The following FLNB variants were observed in gnomAD, a reference collection of about 807,000 sequenced individuals.
FLNB encodes the protein filamin B, also known as filamin-B.
A neutral mutation model predicts 250.6 loss-of-function variants in FLNB; 111 were observed. That is an observed-to-expected ratio of 0.44 (90% CI 0.38 to 0.52). The LOEUF is 0.52. FLNB is among the 20% of genes least tolerant of loss of function. The pLI is 0.00. For missense variants in FLNB, 2,869 were observed against 3,447.8 expected, an observed-to-expected ratio of 0.83 and a Z score of 4.20; for synonymous variants, 1,302 against 1,372.1, an observed-to-expected ratio of 0.95 and a Z score of 1.13.
intron 25 of FLNB, chr3:58,131,844 G>A: frequency 1.1e-6 from 1 of 934,788 alleles, no homozygotes; most frequent in East Asian, 2.6e-5. Context: ...AATGAGAGAG[G>A]GAGAAAAAGA....
chr3:58,124,473 C>A lies in FLNB; in HGVS notation c.3866C>A (p.Thr1289Asn), dbSNP rs768285627. ...ECFVTDNADGTYQVEYTPFEK... is the reference protein window; with the variant it reads ...ECFVTDNADGNYQVEYTPFEK... ...TTTGTCACAGACAATGCGGATGGGA[C>A]CTACCAGGTGGAATACACACCCTTT... Residue 1289 changes from threonine to asparagine, a missense_variant, in exon 22 of 46, where the codon ACC becomes AAC. This residue lies in a region of FLNB where 1,348 missense variants were observed against 1,466.7 expected (regional missense o/e 0.92). Coordinates refer to ENST00000295956, the MANE Select transcript of FLNB (RefSeq NM_001457.4). The A allele has an allele frequency of 1.2e-6, 2 of 1,614,090 alleles. No homozygotes were observed. The highest frequency in any genetic ancestry group is 4.5e-5 in the East Asian group (2 of 44,898).
chr3:58,040,608 C>A (rs1187419083), intron 1 of FLNB, among the ~76,000 whole-genome samples: 2 of 152,238 alleles, frequency 1.3e-5, no homozygotes, highest in Non-Finnish European at 2.9e-5. Flanking sequence ...GATTCTCCTG[C>A]CTAAGCCTCC....
chr3:58,044,734 G>A (rs1395831464), intron 1 of FLNB, among the ~76,000 whole-genome samples: 1 of 152,188 alleles, frequency 6.6e-6, no homozygotes, highest in Non-Finnish European at 1.5e-5. Flanking sequence ...GCTGCTTCCT[G>A]CCTGGAAGCG....
In FLNB at chr3:58,169,807, C is replaced by T. The variant is rs756868384; in HGVS notation, c.7621+14C>T. On this transcript the variant is annotated intron_variant, in intron 45 of 45. Coordinates refer to ENST00000295956, the MANE Select transcript of FLNB (RefSeq NM_001457.4). The surrounding 1 kb of genome is among the most constrained non-coding windows in gnomAD (Gnocchi z 4.8). ...GCAGCAAAGCTGGTAGGTGTCTGGG[C>T]CTTTTCAAGGGTGGGGTGGGGCAGG... 3 of 1,582,234 alleles carry T rather than the reference C, an allele frequency of 1.9e-6. No homozygotes were observed. In the South Asian group the frequency reaches 3.3e-5, roughly 17 times the overall value.
intron 4 of FLNB, among the ~76,000 whole-genome samples, chr3:58,091,677 T>A (rs1406842406): frequency 6.6e-6 from 1 of 152,110 alleles, no homozygotes; most frequent in Non-Finnish European, 1.5e-5. Context: ...TTTTTAATGT[T>A]TTAAGAAGGA....
intron 1 of FLNB, among the ~76,000 whole-genome samples, chr3:58,067,445 C>A (rs2686641): frequency 2.6e-5 from 4 of 151,906 alleles, no homozygotes; most frequent in African/African-American, 9.7e-5. Flanking sequence ...AACTTCGGCC[C>A]CCTTGTCTAC....
At chr3:58,020,389 G>A (rs139968196) in intron 1 of FLNB, among the ~76,000 whole-genome samples, 2 of 152,292 alleles carry the variant, frequency 1.3e-5, no homozygotes, top group Non-Finnish European at 2.9e-5. Context: ...GCCTCGTGCT[G>A]TGGCAGCACA....
intron 24 of FLNB, 131 bp from the exon 25 acceptor site, chr3:58,130,610 A>G: frequency 1.2e-6 from 1 of 803,298 alleles, no homozygotes; most frequent in Admixed American, 2.1e-5. Context: ...CAGTGCACAC[A>G]GTGAGGCAGG....
rs1475003870 is a variant in FLNB, at chr3:58,124,933, T to A, written c.3898+428T>A. Among the ~76,000 whole-genome samples the A allele has an allele frequency of 2.0e-5, 3 of 152,276 alleles. No individual in the cohort carries two copies. The East Asian group carries it at 5.8e-4, about 29-fold the overall frequency. On this transcript the variant is annotated intron_variant, in intron 22 of 45. Coordinates refer to ENST00000295956, the MANE Select transcript of FLNB (RefSeq NM_001457.4). ...TCTGATATAGATATTTTCAGTCTTCTTGTGGATGCCTGTTTCTTCTGTTTC... is the reference window on the plus strand; with the variant it reads ...TCTGATATAGATATTTTCAGTCTTCATGTGGATGCCTGTTTCTTCTGTTTC...
intron 24 of FLNB, among the ~76,000 whole-genome samples, chr3:58,129,782 G>GCGAGGCAC (rs1174411756): frequency 2.0e-5 from 3 of 152,238 alleles, no homozygotes; most frequent in Non-Finnish European, 4.4e-5. Flanking sequence ...GGACTCCCAT[G>GCGAGGCAC]CGAGGCAGAG....
At chr3:58,078,129 A>G (rs189748507) in intron 2 of FLNB, 103 of 293,192 alleles carry the variant, frequency 3.5e-4, no homozygotes, top group African/African-American at 2.3e-3. Context: ...TTGAGAGCCT[A>G]TAAGTTGGTG....
At position 58,131,815 on chromosome 3, in the gene FLNB, G is replaced by C. The variant is rs1225752034; in HGVS notation, c.4390+907G>C. On this transcript the variant is annotated intron_variant, in intron 25 of 45. Coordinates refer to ENST00000295956, the MANE Select transcript of FLNB (RefSeq NM_001457.4). Reference sequence around the variant, plus strand: ...CCTGCATGTGTTTGTGTGCATGTATGTGTCCCTGTGTATGTGTGAATGAGA... The same window carrying C: ...CCTGCATGTGTTTGTGTGCATGTATCTGTCCCTGTGTATGTGTGAATGAGA... The C allele has an allele frequency of 5.5e-6, 4 of 724,268 alleles. No individual in the cohort carries two copies. In the Admixed American group the frequency reaches 9.7e-5, roughly 17 times the overall value. 44.9% of individuals were successfully genotyped at this position (724,268 alleles called of 1,614,324 possible).
Position 58,106,783 on chromosome 3 carries a change from T to A in FLNB, c.1851T>A (p.Ala617=), listed in dbSNP as rs139663664. Residue 617 remains alanine, a synonymous_variant, in exon 12 of 46, where the codon GCT becomes GCA. Transcript: ENST00000295956. Reference sequence around the variant, plus strand: ...GGCCCAAGGAGCCTGGCGAATATGCTGTTCACATCATGTGTGACGACGAAG... The same window carrying A: ...GGCCCAAGGAGCCTGGCGAATATGCAGTTCACATCATGTGTGACGACGAAG... ...KYWPKEPGEY[A]VHIMCDDEDI... The A allele has an allele frequency of 7.4e-6, 12 of 1,614,036 alleles. No homozygotes were observed. The African/African-American group carries it at 1.2e-4, about 16-fold the overall frequency.
At chr3:58,097,209 C>T (rs1015130464) in intron 6 of FLNB, among the ~76,000 whole-genome samples, 3 of 152,174 alleles carry the variant, frequency 2.0e-5, no homozygotes, top group Admixed American at 6.5e-5. Context: ...ATGGCCTTAG[C>T]GTTCTCTTAG....
chr3:58,140,843 G>A (rs1466712065), intron 29 of FLNB, among the ~76,000 whole-genome samples: 1 of 152,196 alleles, frequency 6.6e-6, no homozygotes, highest in African/African-American at 2.4e-5. Context: ...GACCTCCAGT[G>A]ATCCACCTGC....
chr3:58,061,642 G>C (rs2106884218), intron 1 of FLNB, among the ~76,000 whole-genome samples: 1 of 151,968 alleles, frequency 6.6e-6, no homozygotes, highest in South Asian at 2.1e-4. Context: ...TACTCAGGAA[G>C]CTGAGTCGGG....
chr3:58,103,311 T>C (rs2097254208), intron 9 of FLNB, among the ~76,000 whole-genome samples: 1 of 148,846 alleles, frequency 6.7e-6, no homozygotes, highest in Admixed American at 6.8e-5. Flanking sequence ...CGTGCATGCC[T>C]CTGCGTATGT....
chr3:58,143,185 C>T (rs2097329928), intron 31 of FLNB, among the ~76,000 whole-genome samples: 1 of 151,976 alleles, frequency 6.6e-6, no homozygotes, highest in Admixed American at 6.6e-5. Flanking sequence ...CTCTATGTAT[C>T]CAGCTGGTTT....
At chr3:58,114,793 A>G (rs769354616) in intron 18 of FLNB, among the ~76,000 whole-genome samples, 1 of 146,944 alleles carries the variant, frequency 6.8e-6, no homozygotes, top group Non-Finnish European at 1.5e-5. Context: ...TTTGATTTGC[A>G]TTTTCCTAAT....
Sources: gnomAD v4.1 joint callset for allele counts (sites outside exome capture counted in the v4.1 genomes callset) on GRCh38, gnomAD v4.1.1 for gene constraint, gnomAD v4.1.1 regional missense constraint, Gnocchi (gnomAD v3.1) non-coding constraint, MANE v1.5 for transcripts, NCBI Gene and HGNC (gene_info 2026-07-23, HGNC 2026-07-21) for gene names.